The following EPHA5 variants were observed in gnomAD, a reference collection of about 807,000 sequenced individuals.
EPHA5 encodes the protein EPH receptor A5.
In EPHA5, 60 loss-of-function variants were observed where a neutral mutation model predicts 105.0. That is an observed-to-expected ratio of 0.57 (90% CI 0.46 to 0.71). The LOEUF is 0.71. EPHA5 is among the 30% of genes least tolerant of loss of function. The pLI is 0.00. For synonymous variants in EPHA5, 513 were observed against 449.1 expected (o/e 1.14, Z -1.80); for missense variants, 1,218 against 1,274.7 (o/e 0.96, Z 0.68).
chr4:65,528,304 T>G (rs2149295588), intron 3 of EPHA5, among the ~76,000 whole-genome samples: 1 of 152,212 alleles, frequency 6.6e-6, no homozygotes, highest in South Asian at 2.1e-4. Flanking sequence ...AAATCTAAAA[T>G]TAAACTGAAA....
chr4:65,338,441 C>T (rs1721389824), intron 14 of EPHA5, among the ~76,000 whole-genome samples: 1 of 151,940 alleles, frequency 6.6e-6, no homozygotes, highest in South Asian at 2.1e-4. Context: ...AAAGCTGCTA[C>T]CAATTAATTC....
intron 3 of EPHA5, among the ~76,000 whole-genome samples, chr4:65,534,158 A>G (rs187489039): frequency 6.6e-6 from 1 of 152,320 alleles, no homozygotes; most frequent in Non-Finnish European, 1.5e-5. Context: ...TGTGGATCAT[A>G]CTTTTCAAGT....
In EPHA5 at chr4:65,476,131, T is replaced by A. The variant is rs868673390; in HGVS notation, c.1402+14246A>T. On this transcript the variant is annotated intron_variant, in intron 5 of 16. Transcript: ENST00000613740. ...GAGAGAGAGAGAGAGAGAGAGAGTG[T>A]GTGTGTGTGTGTGTGTGTGTGTGTG... is the stretch of plus-strand genomic sequence containing the variant. Among the ~76,000 whole-genome samples the A allele has an allele frequency of 5.5e-3, 705 of 127,064 alleles. 3 individuals carry two copies. Among genetic ancestry groups the A allele is most frequent in the African/African-American group, 0.021 (668 of 31,692 alleles). 83.4% of individuals were successfully genotyped at this position (127,064 alleles called of 152,430 possible).
At chr4:65,482,237 A>C (rs1385211426) in intron 5 of EPHA5, among the ~76,000 whole-genome samples, 1 of 116,164 alleles carries the variant, frequency 8.6e-6, no homozygotes, top group Non-Finnish European at 2.0e-5. Context: ...GGCGGAGGTT[A>C]CAGTGAGCCA....
In EPHA5 at chr4:65,352,984, CACA is replaced by C. The variant is rs1323526123; in HGVS notation, c.2235+55_2235+57del. The stretch of plus-strand genomic sequence containing the variant: ...CAACATCACAGCATCATCATCACAG[CACA>C]ACATCACAATATATAAATAACACCT... On this transcript the variant is annotated intron_variant, in intron 12 of 16. Coordinates refer to ENST00000613740, the MANE Select transcript of EPHA5 (RefSeq NM_001281766.3). The C allele has an allele frequency of 2.2e-5, 26 of 1,204,196 alleles. No homozygotes were observed. In the East Asian group the frequency reaches 4.3e-4, roughly 20 times the overall value. The allele number at this position is 1,204,196 out of a possible 1,614,324, so 74.6% of individuals were successfully genotyped here. A position where few individuals can be genotyped will look rare whatever the true frequency, so the allele number is the denominator to read the frequency against.
At chr4:65,463,080 G>A (rs60935429) in intron 5 of EPHA5, among the ~76,000 whole-genome samples, 3 of 152,094 alleles carry the variant, frequency 2.0e-5, no homozygotes, top group African/African-American at 7.2e-5. Flanking sequence ...GTAGTACACT[G>A]ACATAAGTAT....
chr4:65,348,787 G>A (rs1722514536), intron 13 of EPHA5, among the ~76,000 whole-genome samples: 1 of 41,730 alleles, frequency 2.4e-5, no homozygotes, highest in African/African-American at 6.3e-5. Context: ...GCATGTGTGT[G>A]TGTGTGTATA....
intron 2 of EPHA5, among the ~76,000 whole-genome samples, chr4:65,619,961 T>C (rs1414491955): frequency 6.6e-6 from 1 of 151,210 alleles, no homozygotes; most frequent in East Asian, 1.9e-4. Context: ...TTTTCATCCC[T>C]ATGCTCAATT....
chr4:65,587,836 C>T (rs1030242013), intron 3 of EPHA5, among the ~76,000 whole-genome samples: 9 of 152,070 alleles, frequency 5.9e-5, no homozygotes, highest in South Asian at 2.1e-4. Context: ...AAATAGGGTC[C>T]GAATCTCTCT....
At chr4:65,423,550 C>T (rs929997441) in intron 5 of EPHA5, among the ~76,000 whole-genome samples, 3 of 151,698 alleles carry the variant, frequency 2.0e-5, no homozygotes, top group Non-Finnish European at 4.4e-5. Flanking sequence ...TATTTTTATA[C>T]CTTGGTTTAT....
intron 5 of EPHA5, among the ~76,000 whole-genome samples, chr4:65,436,741 TA>T (rs1194590512): frequency 6.6e-6 from 1 of 151,962 alleles, no homozygotes; most frequent in East Asian, 1.9e-4. Context: ...ACCAGAACGA[TA>T]ACTAACTATT....
intron 2 of EPHA5, among the ~76,000 whole-genome samples, chr4:65,620,602 A>G (rs143128001): frequency 6.6e-6 from 1 of 152,176 alleles, no homozygotes; most frequent in Non-Finnish European, 1.5e-5. Flanking sequence ...CTTTAAACAG[A>G]AATTTACTAA....
At chr4:65,654,745 G>A (rs1748909247) in intron 1 of EPHA5, among the ~76,000 whole-genome samples, 1 of 145,782 alleles carries the variant, frequency 6.9e-6, no homozygotes, top group South Asian at 2.1e-4. Context: ...CTAAATTATA[G>A]TTATCTATCT....
In EPHA5 at chr4:65,322,607, T is replaced by A; in HGVS notation, c.*1507A>T. 4.4e-6 allele frequency: 1 copy of A among 224,734 alleles called. No individual in the cohort carries two copies. Among genetic ancestry groups the A allele is most frequent in the Non-Finnish European group, 8.9e-6 (1 of 112,662 alleles). The allele number at this position is 224,734 out of a possible 1,614,324, so 13.9% of individuals were successfully genotyped here. On this transcript the variant is annotated 3_prime_UTR_variant, in exon 17 of 17. Coordinates refer to ENST00000613740, the MANE Select transcript of EPHA5 (RefSeq NM_001281766.3). ...CACTGCATAATTTGTATCACAAATATAAGTCTTCATCATGTGTGGTATATA... is the reference window on the plus strand; with the variant it reads ...CACTGCATAATTTGTATCACAAATAAAAGTCTTCATCATGTGTGGTATATA...
At chr4:65,407,250 T>C (rs530029317) in intron 7 of EPHA5, among the ~76,000 whole-genome samples, 15 of 152,136 alleles carry the variant, frequency 9.9e-5, no homozygotes, top group Non-Finnish European at 1.9e-4. Context: ...CCACTCTTAA[T>C]GTGCCAGTTT....
At chr4:65,375,159 T>C (rs1718869711) in intron 8 of EPHA5, among the ~76,000 whole-genome samples, 1 of 151,960 alleles carries the variant, frequency 6.6e-6, no homozygotes, top group East Asian at 1.9e-4. Context: ...GTTTGTTTCT[T>C]TGGCTTTAAT....
intron 7 of EPHA5, among the ~76,000 whole-genome samples, chr4:65,408,452 G>A (rs1383838916): frequency 6.6e-6 from 1 of 151,940 alleles, no homozygotes; most frequent in Non-Finnish European, 1.5e-5. Flanking sequence ...TATGGTGAAA[G>A]GTCATCAATT....
chr4:65,510,876 G>A (rs1002478200), intron 3 of EPHA5, among the ~76,000 whole-genome samples: 1 of 152,144 alleles, frequency 6.6e-6, no homozygotes, highest in Non-Finnish European at 1.5e-5. Flanking sequence ...CTCCCAACTT[G>A]GTGGCATTTG....
intron 5 of EPHA5, among the ~76,000 whole-genome samples, chr4:65,441,244 A>T (rs1185373158): frequency 6.6e-6 from 1 of 152,020 alleles, no homozygotes; most frequent in Non-Finnish European, 1.5e-5. Flanking sequence ...AAAAATGCAA[A>T]TGACCTGTAA....
Sources: allele counts gnomAD v4.1 joint callset (sites outside exome capture counted in the v4.1 genomes callset), GRCh38; gene constraint gnomAD v4.1.1; transcripts MANE v1.5; gene names NCBI Gene and HGNC (gene_info 2026-07-23, HGNC 2026-07-21).